FGD3: variants seen among roughly 807,000 people sequenced by gnomAD.
FGD3 encodes FYVE, RhoGEF and PH domain containing 3.
A neutral mutation model predicts 71.8 loss-of-function variants in FGD3; 45 were observed. The observed-to-expected ratio is 0.63, with a 90% confidence interval of 0.49 to 0.80. FGD3 has a LOEUF of 0.80. FGD3 is among the 30% of genes least tolerant of loss of function. The pLI is 0.00. For synonymous variants in FGD3, 378 were observed against 392.8 expected (o/e 0.96, Z 0.44); for missense variants, 844 against 951.5 (o/e 0.89, Z 1.49).
In FGD3 at chr9:92,969,139, G is replaced by C. The variant is rs1301514544; in HGVS notation, c.-217-6099G>C. On this transcript the variant is annotated intron_variant, in intron 1 of 17. Coordinates refer to ENST00000375482, the MANE Select transcript of FGD3 (RefSeq NM_001083536.2). This position sits in a 1 kb window ranked among gnomAD's most constrained non-coding sequence, Gnocchi z 4.5. The stretch of plus-strand genomic sequence containing the variant: ...TTCTCTATCACAGGGTAACCCACAA[G>C]GGAGATCTTGTCGTCATCATCCCTC... Among the ~76,000 whole-genome samples, 3 of 152,246 alleles carry C rather than the reference G, an allele frequency of 2.0e-5. No individual in the cohort carries two copies. Among genetic ancestry groups the C allele is most frequent in the African/African-American group, 7.2e-5 (3 of 41,468 alleles).
intron 1 of FGD3, among the ~76,000 whole-genome samples, chr9:92,957,413 T>C (rs1417146810): frequency 6.6e-6 from 1 of 152,228 alleles, no homozygotes; most frequent in African/African-American, 2.4e-5. Context: ...CAGATGGGGC[T>C]GTAATCATTC....
intron 3 of FGD3, among the ~76,000 whole-genome samples, chr9:92,984,031 A>C (rs1467396601): frequency 6.6e-6 from 1 of 152,232 alleles, no homozygotes; most frequent in Non-Finnish European, 1.5e-5. Flanking sequence ...CTAATTATGC[A>C]CTAGGTTTGG....
intron 1 of FGD3, among the ~76,000 whole-genome samples, chr9:92,956,360 T>C (rs1587809326): frequency 6.6e-6 from 1 of 152,314 alleles, no homozygotes; most frequent in African/African-American, 2.4e-5. Flanking sequence ...ACTATGTCCC[T>C]GCAAAATACA....
intron 3 of FGD3, among the ~76,000 whole-genome samples, chr9:92,977,166 G>A (rs1401147133): frequency 6.6e-6 from 1 of 152,218 alleles, no homozygotes; most frequent in Non-Finnish European, 1.5e-5. Context: ...ATGGGGTGTG[G>A]CACAGGCTGG....
At chr9:92,954,105 C>T (rs189881121) in intron 1 of FGD3, among the ~76,000 whole-genome samples, 148 of 152,326 alleles carry the variant, frequency 9.7e-4, no homozygotes, top group African/African-American at 3.3e-3. Context: ...CCCGGAAGCT[C>T]ACCACCCAGA....
At chr9:93,016,582 C>A (rs554835704) in intron 10 of FGD3, among the ~76,000 whole-genome samples, 1 of 149,152 alleles carries the variant, frequency 6.7e-6, no homozygotes, top group Admixed American at 6.7e-5. Flanking sequence ...GTGATCCACC[C>A]GCCTTGGCCT....
chr9:92,992,686 A>C (rs1860462042), intron 3 of FGD3, among the ~76,000 whole-genome samples: 1 of 152,050 alleles, frequency 6.6e-6, no homozygotes, highest in South Asian at 2.1e-4. Flanking sequence ...CCAGTGCTAG[A>C]GAGGTACAGT....
rs1216899641 is a variant in FGD3 at position 92,976,408 on chromosome 9, C to T, written c.152C>T (p.Ala51Val). ...TGTGGGGACCCTGTCAGCCTGGCTG[C>T]AGCAGGGGACGGCTCTCCAGACATA... is the stretch of plus-strand genomic sequence containing the variant. ...AHCGDPVSLA[A>V]AGDGSPDIGP... is the part of the protein sequence containing the mutation. Residue 51 changes from alanine to valine, a missense_variant, in exon 3 of 18, where the codon GCA (alanine) becomes GTA (valine). Physicochemically the swap from Ala to Val is moderately conservative, Grantham distance 64 (BLOSUM62 0). Coordinates refer to ENST00000375482, the MANE Select transcript of FGD3 (RefSeq NM_001083536.2). 1 of 1,611,402 alleles carries T rather than the reference C, an allele frequency of 6.2e-7. No individual in the cohort carries two copies. The highest frequency in any genetic ancestry group is 2.2e-5 in the East Asian group (1 of 44,844).
At chr9:93,020,632 T>C (rs1861882134) in intron 13 of FGD3, 1 of 548,338 alleles carries the variant, frequency 1.8e-6, no homozygotes, top group Admixed American at 3.0e-5. Flanking sequence ...CAACTATTTG[T>C]GGATGGGATA....
intron 8 of FGD3, among the ~76,000 whole-genome samples, chr9:93,012,699 G>T (rs891460637): frequency 2.1e-5 from 3 of 141,242 alleles, no homozygotes; most frequent in African/African-American, 5.5e-5. Context: ...GGGTGTGGGG[G>T]GGGGAAGAAT....
At chr9:92,992,927 T>G (rs1467659169) in intron 3 of FGD3, among the ~76,000 whole-genome samples, 1 of 152,234 alleles carries the variant, frequency 6.6e-6, no homozygotes, top group Non-Finnish European at 1.5e-5. Context: ...AAGTCCCTCC[T>G]GACTCTGGAT....
intron 9 of FGD3, among the ~76,000 whole-genome samples, chr9:93,015,250 C>G (rs565251334): frequency 1.3e-5 from 2 of 152,048 alleles, no homozygotes; most frequent in African/African-American, 4.8e-5. Flanking sequence ...GAGGTCAGGA[C>G]TTTGAGACCA....
chr9:93,019,759 G>T, intron 11 of FGD3, 72 bp from the exon 12 acceptor site: 1 of 1,443,666 alleles, frequency 6.9e-7, no homozygotes, highest in Non-Finnish European at 9.8e-7. Context: ...GTGCTGCAGG[G>T]TTGAGAGAGG....
intron 3 of FGD3, among the ~76,000 whole-genome samples, chr9:92,997,176 A>G (rs1160704636): frequency 2.6e-5 from 4 of 152,204 alleles, no homozygotes. Flanking sequence ...GGGTGCATAT[A>G]TATTTAGGAT....
chr9:93,007,024 G>A (rs1319944360), intron 6 of FGD3, among the ~76,000 whole-genome samples: 7 of 151,790 alleles, frequency 4.6e-5, no homozygotes, highest in South Asian at 2.1e-4. Flanking sequence ...ACCGCGCCCC[G>A]CCTGATCTTT....
intron 15 of FGD3, 118 bp downstream of exon 15, chr9:93,030,114 C>A: frequency 2.5e-6 from 3 of 1,203,284 alleles, no homozygotes; most frequent in African/African-American, 1.5e-5. Context: ...CACGGAAGGG[C>A]TTCCTGATCC....
At chr9:92,970,530 C>A (rs1276799045) in intron 1 of FGD3, among the ~76,000 whole-genome samples, 1 of 152,178 alleles carries the variant, frequency 6.6e-6, no homozygotes, top group African/African-American at 2.4e-5. Flanking sequence ...ACAGAAATAA[C>A]ACTGGCTAGT....
chr9:92,965,157 C>T (rs982031393), intron 1 of FGD3, among the ~76,000 whole-genome samples: 6 of 152,270 alleles, frequency 3.9e-5, no homozygotes, highest in South Asian at 2.1e-4. Context: ...AGAGGGGGCC[C>T]GAGGGGCAGA....
chr9:92,968,167 C>G (rs574638081), intron 1 of FGD3, among the ~76,000 whole-genome samples: 1 of 152,178 alleles, frequency 6.6e-6, no homozygotes, highest in Non-Finnish European at 1.5e-5. Context: ...CACCAGCCCC[C>G]GATTCCAGGC....
Sources: gnomAD v4.1 joint callset for allele counts (sites outside exome capture counted in the v4.1 genomes callset) on GRCh38, gnomAD v4.1.1 for gene constraint, Gnocchi (gnomAD v3.1) non-coding constraint, MANE v1.5 for transcripts, NCBI Gene and HGNC (gene_info 2026-07-23, HGNC 2026-07-21) for gene names.